Variants in NDRG3 observed in about 807,000 individuals in gnomAD.
NDRG3 encodes NDRG family member 3, also known as protein NDRG3.
In NDRG3, 23 loss-of-function variants were observed where a neutral mutation model predicts 57.2. The observed-to-expected ratio is 0.40, with a 90% CI of 0.29 to 0.57. The LOEUF is 0.57. Ranked by LOEUF, NDRG3 falls within the 20% of genes least tolerant of loss-of-function variation. NDRG3 has a pLI of 0.42. For missense variants in NDRG3, 384 were observed against 457.3 expected (o/e 0.84, Z 1.46); for synonymous variants, 132 against 162.6 (o/e 0.81, Z 1.43).
chr20:36,712,387 CTTTT>C (rs1164703451), intron 2 of NDRG3, among the ~76,000 whole-genome samples: 2 of 137,774 alleles, frequency 1.5e-5, no homozygotes, highest in East Asian at 4.1e-4. Context: ...GTTTCTTTTT[CTTTT>C]TCTTTTTTTT....
intron 1 of NDRG3, among the ~76,000 whole-genome samples, chr20:36,729,427 G>A (rs1985141380): frequency 6.6e-6 from 1 of 152,166 alleles, no homozygotes; most frequent in Admixed American, 6.5e-5. Flanking sequence ...GATATGATCA[G>A]TTTTAAGTGA....
intron 1 of NDRG3, among the ~76,000 whole-genome samples, chr20:36,743,004 C>G (rs1250643372): frequency 6.6e-6 from 1 of 152,050 alleles, no homozygotes; most frequent in African/African-American, 2.4e-5. Context: ...TTGATACAAC[C>G]AGGGGCAATC....
chr20:36,692,656 T>C (rs1982363911), intron 3 of NDRG3, among the ~76,000 whole-genome samples: 1 of 152,162 alleles, frequency 6.6e-6, no homozygotes, highest in African/African-American at 2.4e-5. Flanking sequence ...TACATATAGA[T>C]ATAATCTAAG....
chr20:36,662,279 G>A (rs193234642), intron 12 of NDRG3, among the ~76,000 whole-genome samples: 1 of 151,170 alleles, frequency 6.6e-6, no homozygotes. Context: ...CCAGGCTGGG[G>A]TGCAGTGGCA....
chr20:36,715,069 C>G (rs1449428738), intron 2 of NDRG3, among the ~76,000 whole-genome samples: 14 of 108,012 alleles, frequency 1.3e-4, no homozygotes, highest in Non-Finnish European at 1.5e-4. Context: ...ATTTAAGTAT[C>G]TATAGCAATC....
chr20:36,724,217 G>T (rs1984781234), intron 1 of NDRG3, among the ~76,000 whole-genome samples: 1 of 152,148 alleles, frequency 6.6e-6, no homozygotes, highest in African/African-American at 2.4e-5. Context: ...GGGACTCAGA[G>T]GATGTCTATT....
intron 1 of NDRG3, among the ~76,000 whole-genome samples, chr20:36,725,440 T>C (rs538486522): frequency 6.6e-6 from 1 of 150,762 alleles, no homozygotes; most frequent in Non-Finnish European, 1.5e-5. Flanking sequence ...CTGTCTCTAC[T>C]AACAATACAA....
intron 9 of NDRG3, among the ~76,000 whole-genome samples, chr20:36,669,355 A>G (rs1228408572): frequency 6.8e-6 from 1 of 146,658 alleles, no homozygotes; most frequent in African/African-American, 2.5e-5. Flanking sequence ...TCAACCTTCC[A>G]AGTAGCTGGT....
At chr20:36,712,581 ATATATATTTTTTTTTT>A (rs1345941809) in intron 2 of NDRG3, among the ~76,000 whole-genome samples, 4 of 13,404 alleles carry the variant, frequency 3.0e-4, no homozygotes, top group African/African-American at 1.0e-3. Flanking sequence ...ATATATATAT[ATATATATTTTTTTTTT>A]TTTTTTTTTT....
At chr20:36,680,724 C>A in intron 8 of NDRG3, 92 bp downstream of exon 8, 1 of 886,566 alleles carries the variant, frequency 1.1e-6, no homozygotes, top group Non-Finnish European at 1.8e-6. Flanking sequence ...AACATTTTTA[C>A]CCTTAACTGT....
intron 8 of NDRG3, among the ~76,000 whole-genome samples, chr20:36,677,657 G>A (rs1447909879): frequency 1.3e-5 from 2 of 152,184 alleles, no homozygotes; most frequent in African/African-American, 4.8e-5. Context: ...GGAATGACTC[G>A]CCTGTGGAAA....
At chr20:36,700,675 T>G (rs1983165870) in intron 3 of NDRG3, 1 of 327,450 alleles carries the variant, frequency 3.1e-6, no homozygotes, top group Admixed American at 4.4e-5. Flanking sequence ...GACTACACAA[T>G]GAGCCTGTGC....
chr20:36,743,650 T>C (rs532637832), intron 1 of NDRG3, among the ~76,000 whole-genome samples: 78 of 150,826 alleles, frequency 5.2e-4, no homozygotes, highest in Admixed American at 1.7e-3. Context: ...CTGTCTCTAC[T>C]AAAAAAATAC....
intron 4 of NDRG3, 133 bp downstream of exon 4, chr20:36,688,546 T>C (rs1981985591): frequency 1.5e-6 from 1 of 667,242 alleles, no homozygotes; most frequent in South Asian, 1.8e-5. Flanking sequence ...CATTAACGAA[T>C]GTAGGAACAA....
At chr20:36,728,713 G>A (rs6093343) in intron 1 of NDRG3, among the ~76,000 whole-genome samples, 3 of 151,946 alleles carry the variant, frequency 2.0e-5, no homozygotes, top group African/African-American at 7.3e-5. Flanking sequence ...AAGGCATTTT[G>A]GTTTTTTTGT....
At position 36,738,886 on chromosome 20, in the gene NDRG3, G is replaced by C. The variant is rs535908840; in HGVS notation, c.-49+7159C>G. Reference sequence around the variant, plus strand: ...TGCCTGTAATCCCAGCACTTTGGGAGGCCGAGGCGGGTGGATCACCTGAGG... The same window carrying C: ...TGCCTGTAATCCCAGCACTTTGGGACGCCGAGGCGGGTGGATCACCTGAGG... On this transcript the variant is annotated intron_variant, in intron 1 of 15. Coordinates refer to ENST00000349004, the MANE Select transcript of NDRG3 (RefSeq NM_032013.4). 2.0e-5 allele frequency among the ~76,000 whole-genome samples: 3 copies of C among 150,034 alleles called. No individual in the cohort carries two copies. The East Asian group carries it at 5.9e-4, about 29-fold the overall frequency.
intron 5 of NDRG3, among the ~76,000 whole-genome samples, chr20:36,686,018 A>G (rs953772368): frequency 1.3e-5 from 2 of 152,214 alleles, no homozygotes; most frequent in African/African-American, 2.4e-5. Flanking sequence ...TCAAGAAAGA[A>G]AGAAAAAGTA....
chr20:36,689,968 C>T (rs1852318958), intron 3 of NDRG3, among the ~76,000 whole-genome samples: 1 of 152,016 alleles, frequency 6.6e-6, no homozygotes, highest in South Asian at 2.1e-4. Context: ...GATCCACCCA[C>T]CTCCGCCTCC....
intron 6 of NDRG3, among the ~76,000 whole-genome samples, chr20:36,683,395 T>C (rs1419176724): frequency 6.6e-6 from 1 of 151,378 alleles, no homozygotes; most frequent in Non-Finnish European, 1.5e-5. Context: ...AGGTGGATCA[T>C]TGAAGGTGAG....
Sources: gnomAD v4.1 joint callset for allele counts (sites outside exome capture counted in the v4.1 genomes callset) on GRCh38, gnomAD v4.1.1 for gene constraint, MANE v1.5 for transcripts, NCBI Gene and HGNC (gene_info 2026-07-23, HGNC 2026-07-21) for gene names.